ATP7A: variants seen among roughly 807,000 people sequenced by gnomAD.
The protein encoded by ATP7A is copper-transporting ATPase 1.
Under a neutral mutation model 83.5 loss-of-function variants are expected in ATP7A, and 7 were observed. The observed-to-expected ratio is 0.08, with a 90% CI of 0.05 to 0.16. The LOEUF (loss-of-function observed/expected upper bound fraction) is 0.16. ATP7A is among the 10% of genes least tolerant of loss of function. The pLI is 1.00. For missense variants in ATP7A, 940 were observed against 1,120.8 expected, an observed-to-expected ratio of 0.84 and a Z score of 2.30; for synonymous variants, 354 against 395.2, an observed-to-expected ratio of 0.90 and a Z score of 1.24.
chrX:77,994,694 C>A (rs2077690762), intron 4 of ATP7A, among the ~76,000 whole-genome samples: 1 of 110,990 alleles, frequency 9.0e-6, no homozygotes, highest in South Asian at 3.8e-4. Context: ...CGTGTACCAC[C>A]ACACCCGGCT....
intron 2 of ATP7A, among the ~76,000 whole-genome samples, chrX:77,985,750 G>C (rs1557231327): frequency 2.7e-5 from 3 of 110,498 alleles, no homozygotes; most frequent in Non-Finnish European, 5.7e-5. Context: ...CACATGTATA[G>C]ATTTGTTTAA....
chrX:78,013,228 A>G, intron 10 of ATP7A, 116 bp downstream of exon 10: 1 of 675,172 alleles, frequency 1.5e-6, no homozygotes, highest in Non-Finnish European at 2.3e-6. Context: ...TTACTGAAAG[A>G]CGTATTTTCA....
At chrX:77,973,220 A>T (rs1186542312) in intron 2 of ATP7A, among the ~76,000 whole-genome samples, 1 of 112,103 alleles carries the variant, frequency 8.9e-6, no homozygotes, top group African/African-American at 3.2e-5. Flanking sequence ...GTAAAGTTTT[A>T]GTAATATACA....
chrX:78,014,848 A>G, intron 11 of ATP7A, 95 bp downstream of exon 11: 1 of 625,470 alleles, frequency 1.6e-6, no homozygotes. Flanking sequence ...TCATGAATTC[A>G]CATAATCTGT....
intron 7 of ATP7A, 178 bp downstream of exon 7, chrX:78,009,441 T>G: frequency 1.8e-6 from 1 of 561,374 alleles, no homozygotes; most frequent in East Asian, 3.5e-5. Flanking sequence ...TTTTTGGTCT[T>G]TTTCAGGAAA....
At chrX:78,002,244 A>AT (rs781804302) in intron 5 of ATP7A, among the ~76,000 whole-genome samples, 914 of 81,402 alleles carry the variant, frequency 0.011, 19 homozygotes, top group African/African-American at 0.034. Context: ...TAATTTTTGT[A>AT]TTTTTTTTTT....
At chrX:77,933,154 C>T (rs913920185) in intron 1 of ATP7A, among the ~76,000 whole-genome samples, 2 of 111,819 alleles carry the variant, frequency 1.8e-5, no homozygotes, top group African/African-American at 3.3e-5. Flanking sequence ...GTTGAATTCT[C>T]GAAACAACCC....
intron 1 of ATP7A, among the ~76,000 whole-genome samples, chrX:77,932,193 C>T (rs1193173287): frequency 1.8e-4 from 19 of 107,972 alleles, no homozygotes; most frequent in African/African-American, 6.2e-4. Context: ...TCAGATGGGG[C>T]GGCCGGGCAG....
intron 1 of ATP7A, among the ~76,000 whole-genome samples, chrX:77,959,118 T>G (rs782049378): frequency 3.0e-4 from 33 of 111,072 alleles, no homozygotes; most frequent in Admixed American, 1.1e-3. Flanking sequence ...GTAGAGATCT[T>G]TCACCTCCTT....
At chrX:77,915,056 T>C (rs1055583455) in intron 1 of ATP7A, among the ~76,000 whole-genome samples, 2 of 111,891 alleles carry the variant, frequency 1.8e-5, no homozygotes, top group Non-Finnish European at 3.8e-5. Context: ...TGCTCACGCC[T>C]GTAATCCCAG....
chrX:78,024,571 G>C (rs868934385), intron 14 of ATP7A, among the ~76,000 whole-genome samples: 12 of 111,595 alleles, frequency 1.1e-4, no homozygotes, highest in South Asian at 7.6e-4. Context: ...GTCACGTGCC[G>C]CTTGGGTTTT....
chrX:77,935,324 A>G (rs183517429), intron 1 of ATP7A, among the ~76,000 whole-genome samples: 39 of 112,253 alleles, frequency 3.5e-4, no homozygotes, highest in African/African-American at 1.1e-3. Flanking sequence ...TAGCAATGCT[A>G]TAACAATTCT....
At chrX:78,002,925 C>G in intron 5 of ATP7A, 148 bp from the exon 6 acceptor site, 1 of 571,056 alleles carries the variant, frequency 1.8e-6, no homozygotes, top group Non-Finnish European at 2.7e-6. Context: ...GGGGTCAAGA[C>G]TGGTATAAAA....
intron 1 of ATP7A, among the ~76,000 whole-genome samples, chrX:77,959,139 A>C (rs1440186435): frequency 1.8e-5 from 2 of 110,573 alleles, no homozygotes; most frequent in Admixed American, 1.9e-4. Context: ...GGTTAAGTTT[A>C]TTCCTAAGTA....
chrX:78,019,468 T>G (rs974613143), intron 12 of ATP7A, among the ~76,000 whole-genome samples: 4 of 111,263 alleles, frequency 3.6e-5, no homozygotes, highest in Non-Finnish European at 5.7e-5. Flanking sequence ...TTTTTGTTTT[T>G]TTGTTGTTGT....
chrX:77,972,687 G>A (rs781841824), intron 2 of ATP7A, among the ~76,000 whole-genome samples: 4 of 110,185 alleles, frequency 3.6e-5, no homozygotes, highest in Admixed American at 9.7e-5. Flanking sequence ...TTTTTGTAGC[G>A]ATGGGGGTCT....
intron 1 of ATP7A, among the ~76,000 whole-genome samples, chrX:77,935,707 C>T (rs782316911): frequency 9.0e-5 from 10 of 110,615 alleles, no homozygotes; most frequent in Non-Finnish European, 1.7e-4. Flanking sequence ...AACTAAGATG[C>T]GTAAGATTCT....
At chrX:77,973,188 A>G (rs2077558439) in intron 2 of ATP7A, among the ~76,000 whole-genome samples, 1 of 111,967 alleles carries the variant, frequency 8.9e-6, no homozygotes, top group Admixed American at 9.5e-5. Context: ...AGCACATGAA[A>G]TTCAAATTTT....
At chrX:77,995,625 G>A (rs1180827626) in intron 4 of ATP7A, among the ~76,000 whole-genome samples, 1 of 108,083 alleles carries the variant, frequency 9.3e-6, no homozygotes, top group Non-Finnish European at 1.9e-5. Flanking sequence ...CTTTTATCCT[G>A]ACTATCTGTA....
Sources: allele counts gnomAD v4.1 joint callset (sites outside exome capture counted in the v4.1 genomes callset), GRCh38; gene constraint gnomAD v4.1.1; transcripts MANE v1.5; gene names NCBI Gene and HGNC (gene_info 2026-07-23, HGNC 2026-07-21).